CNTN5: variants seen among roughly 807,000 people sequenced by gnomAD.
CNTN5 encodes the protein contactin-5.
CNTN5 carries 77 observed loss-of-function variants against 129.1 expected under a neutral mutation model. That is an observed-to-expected ratio of 0.60 (90% CI 0.50 to 0.72). CNTN5 has a LOEUF of 0.72. CNTN5 is among the 30% of genes least tolerant of loss of function. CNTN5 has a pLI of 0.00. For synonymous variants in CNTN5, 509 were observed against 465.6 expected, an observed-to-expected ratio of 1.09 and a Z score of -1.20; for missense variants, 1,478 against 1,328.8, an observed-to-expected ratio of 1.11 and a Z score of -1.75.
intron 2 of CNTN5, among the ~76,000 whole-genome samples, chr11:99,547,260 C>T (rs757554479): frequency 3.9e-5 from 6 of 152,114 alleles, no homozygotes; most frequent in Non-Finnish European, 8.8e-5. Flanking sequence ...CTGCCTCGGC[C>T]TCCCAAGTGC....
chr11:99,054,209 A>C (rs958288616), intron 1 of CNTN5, among the ~76,000 whole-genome samples: 2 of 151,838 alleles, frequency 1.3e-5, no homozygotes, highest in Admixed American at 6.6e-5. Flanking sequence ...CCTCAACCTA[A>C]TGGCTGGCTG....
intron 3 of CNTN5, among the ~76,000 whole-genome samples, chr11:99,772,583 T>C (rs1005951935): frequency 6.6e-6 from 1 of 152,114 alleles, no homozygotes; most frequent in Non-Finnish European, 1.5e-5. Context: ...AACAGCCTTG[T>C]CTAATAAAGG....
At chr11:99,666,848 A>G (rs1319634192) in intron 3 of CNTN5, among the ~76,000 whole-genome samples, 1 of 152,176 alleles carries the variant, frequency 6.6e-6, no homozygotes, top group Admixed American at 6.5e-5. Context: ...ATTAACATTA[A>G]GGTTCTCCAG....
At chr11:99,880,678 G>A (rs1948748950) in intron 6 of CNTN5, among the ~76,000 whole-genome samples, 1 of 152,030 alleles carries the variant, frequency 6.6e-6, no homozygotes, top group African/African-American at 2.4e-5. Context: ...AATTGCTTTT[G>A]TCCTTTGCAA....
chr11:100,031,132 T>A (rs1941688082), intron 9 of CNTN5, among the ~76,000 whole-genome samples: 1 of 152,236 alleles, frequency 6.6e-6, no homozygotes, highest in Non-Finnish European at 1.5e-5. Flanking sequence ...AACAGAAGAA[T>A]GGAGATTTTA....
At chr11:99,862,649 T>G (rs943880239) in intron 6 of CNTN5, among the ~76,000 whole-genome samples, 2 of 152,070 alleles carry the variant, frequency 1.3e-5, no homozygotes, top group African/African-American at 2.4e-5. Flanking sequence ...AATTATTAAT[T>G]ATATCTAATT....
chr11:100,183,299 T>C (rs568217305), intron 13 of CNTN5, among the ~76,000 whole-genome samples: 1 of 152,264 alleles, frequency 6.6e-6, no homozygotes, highest in Non-Finnish European at 1.5e-5. Context: ...TGTGCACAAA[T>C]GTTCATGGTA....
At chr11:100,248,089 T>A (rs1949886990) in intron 16 of CNTN5, among the ~76,000 whole-genome samples, 1 of 152,174 alleles carries the variant, frequency 6.6e-6, no homozygotes, top group Non-Finnish European at 1.5e-5. Context: ...TTTGGAAGTG[T>A]CTGTCCTCAA....
At chr11:99,138,514 T>C (rs1363462819) in intron 1 of CNTN5, among the ~76,000 whole-genome samples, 1 of 152,200 alleles carries the variant, frequency 6.6e-6, no homozygotes, top group African/African-American at 2.4e-5. Context: ...TATGCTTTAT[T>C]TTTAAACAAT....
chr11:99,455,358 AGTG>A (rs1185183378), intron 2 of CNTN5, among the ~76,000 whole-genome samples: 3 of 152,260 alleles, frequency 2.0e-5, no homozygotes, highest in African/African-American at 7.2e-5. Flanking sequence ...TTTGACATTC[AGTG>A]GGCAACTAGA....
At chr11:99,196,119 A>G (rs2135606285) in intron 1 of CNTN5, among the ~76,000 whole-genome samples, 1 of 152,038 alleles carries the variant, frequency 6.6e-6, no homozygotes, top group East Asian at 1.9e-4. Context: ...TGTCTATACA[A>G]TGCTTTTGCT....
chr11:99,262,602 T>TC (rs1862690219), intron 1 of CNTN5, among the ~76,000 whole-genome samples: 1 of 112,476 alleles, frequency 8.9e-6, no homozygotes, highest in Non-Finnish European at 1.8e-5. Context: ...CTTTGTTTCT[T>TC]TTTTTTTTTC....
intron 3 of CNTN5, among the ~76,000 whole-genome samples, chr11:99,669,586 A>G (rs1952952044): frequency 6.6e-6 from 1 of 151,996 alleles, no homozygotes; most frequent in Non-Finnish European, 1.5e-5. Flanking sequence ...AAGTGTTAGG[A>G]TTACACTATT....
chr11:100,349,303 A>G (rs515828), intron 23 of CNTN5, among the ~76,000 whole-genome samples: 24,785 of 151,856 alleles, frequency 0.16, 2,524 homozygotes, highest in East Asian at 0.37. Context: ...TTTCTGTAAG[A>G]AAATATATGT....
intron 2 of CNTN5, among the ~76,000 whole-genome samples, chr11:99,468,974 G>A (rs929123481): frequency 6.6e-5 from 10 of 151,950 alleles, no homozygotes; most frequent in Non-Finnish European, 1.5e-4. Flanking sequence ...AAAATTACCT[G>A]TGCTTATTTT....
intron 3 of CNTN5, among the ~76,000 whole-genome samples, chr11:99,588,115 G>T (rs1357765991): frequency 1.3e-5 from 2 of 152,080 alleles, no homozygotes; most frequent in Admixed American, 6.5e-5. Flanking sequence ...AGGCCGAGGC[G>T]GGCGGATCAC....
intron 13 of CNTN5, among the ~76,000 whole-genome samples, chr11:100,132,296 A>G (rs1298629120): frequency 1.3e-5 from 2 of 152,106 alleles, no homozygotes; most frequent in African/African-American, 4.8e-5. Flanking sequence ...GACACTCAAT[A>G]TAATGATTAT....
At chr11:99,192,903 A>G (rs1858716908) in intron 1 of CNTN5, among the ~76,000 whole-genome samples, 1 of 152,130 alleles carries the variant, frequency 6.6e-6, no homozygotes, top group Admixed American at 6.5e-5. Context: ...TAACTCCAAC[A>G]TAAATGACCA....
At chr11:100,342,586 C>G (rs1952190563) in intron 23 of CNTN5, among the ~76,000 whole-genome samples, 2 of 151,990 alleles carry the variant, frequency 1.3e-5, no homozygotes, top group Admixed American at 1.3e-4. Context: ...GGCTAGGTGC[C>G]ACTACTCTTT....
Sources: gnomAD v4.1 joint callset for allele counts (sites outside exome capture counted in the v4.1 genomes callset) on GRCh38, gnomAD v4.1.1 for gene constraint, MANE v1.5 for transcripts, NCBI Gene and HGNC (gene_info 2026-07-23, HGNC 2026-07-21) for gene names.